The following ERLEC1 variants were observed in gnomAD, a reference collection of about 807,000 sequenced individuals.
The protein encoded by ERLEC1 is ER lectin.
ERLEC1 carries 47 observed loss-of-function variants against 68.0 expected under a neutral mutation model. The ratio of observed to expected loss-of-function variants is 0.69; its 90% CI spans 0.55 to 0.88. The LOEUF (loss-of-function observed/expected upper bound fraction) is 0.88. Among genes scored for constraint, ERLEC1 ranks in the 40% least tolerant of loss-of-function variants. The probability of loss-of-function intolerance (pLI) is 0.00; values close to 1 mark genes in which losing one functional copy is unlikely to be tolerated. For synonymous variants in ERLEC1, 225 were observed against 203.2 expected, an observed-to-expected ratio of 1.11 and a Z score of -0.91; for missense variants, 567 against 583.8, an observed-to-expected ratio of 0.97 and a Z score of 0.30.
At chr2:53,796,883 CTTTTTCTTTTT>C (rs1367352449) in intron 3 of ERLEC1, among the ~76,000 whole-genome samples, 11 of 134,570 alleles carry the variant, frequency 8.2e-5, no homozygotes, top group Non-Finnish European at 1.4e-4. Context: ...ATAAAGTTTT[CTTTTTCTTTTT>C]TTTTTTTTTT....
intron 11 of ERLEC1, among the ~76,000 whole-genome samples, chr2:53,813,580 C>G (rs906435261): frequency 4.6e-5 from 7 of 152,136 alleles, no homozygotes; most frequent in African/African-American, 1.7e-4. Context: ...TATACCTTGT[C>G]AAAACACCAG....
chr2:53,802,069 T>C (rs1676036480), intron 8 of ERLEC1, among the ~76,000 whole-genome samples: 1 of 152,216 alleles, frequency 6.6e-6, no homozygotes, highest in Non-Finnish European at 1.5e-5. Flanking sequence ...TATTTTAAAG[T>C]TTGACATCCT....
chr2:53,810,937 T>G (rs1009985323), intron 10 of ERLEC1, among the ~76,000 whole-genome samples: 1 of 152,188 alleles, frequency 6.6e-6, no homozygotes, highest in African/African-American at 2.4e-5. Context: ...TAAAGAAATG[T>G]ATGCCAGAAA....
intron 9 of ERLEC1, 97 bp from the exon 10 acceptor site, chr2:53,809,117 G>A (rs1289294095): frequency 1.1e-5 from 9 of 825,948 alleles, no homozygotes; most frequent in Non-Finnish European, 1.8e-5. Context: ...TGCTTTTACA[G>A]GTTTTAAAAA....
intron 11 of ERLEC1, among the ~76,000 whole-genome samples, chr2:53,813,972 T>C (rs1203441119): frequency 6.6e-6 from 1 of 152,200 alleles, no homozygotes; most frequent in South Asian, 2.1e-4. Flanking sequence ...ACTAAACAAA[T>C]TGATTTTTCT....
chr2:53,818,028 A>C lies in ERLEC1; in HGVS notation c.*59A>C. On this transcript the variant is annotated 3_prime_UTR_variant, in exon 14 of 14. Transcript: ENST00000185150. ...TGAAAGTCATGATAATTTCTGTCCCACTGTGTCTCATTATAGAGTTCTCAG... is the reference window on the plus strand; with the variant it reads ...TGAAAGTCATGATAATTTCTGTCCCCCTGTGTCTCATTATAGAGTTCTCAG... The C allele has an allele frequency of 9.1e-7, 1 of 1,096,674 alleles. No individual in the cohort carries two copies. Among genetic ancestry groups the C allele is most frequent in the Non-Finnish European group, 1.4e-6 (1 of 712,002 alleles). The allele number at this position is 1,096,674 out of a possible 1,614,324, so 67.9% of individuals were successfully genotyped here.
chr2:53,788,117 A>C (rs1675172531), intron 1 of ERLEC1, among the ~76,000 whole-genome samples: 1 of 152,194 alleles, frequency 6.6e-6, no homozygotes, highest in Non-Finnish European at 1.5e-5. Flanking sequence ...GCAGGCTAAT[A>C]AATATTGTAC....
Position 53,797,742 on chromosome 2 carries a change from T to C in ERLEC1, c.437T>C (p.Ile146Thr). The C allele has an allele frequency of 1.2e-6, 2 of 1,612,054 alleles. No homozygotes were observed. The highest frequency in any genetic ancestry group is 1.7e-6 in the Non-Finnish European group (2 of 1,178,838). The part of the protein sequence containing the change: ...EEKETGQKIN[I>T]HEYYLGNMLA... Reference sequence around the variant, plus strand: ...TACTTTTCAATGTAGAAAATAAATATTCACGAGTACTACCTTGGGAATATG... The same window carrying C: ...TACTTTTCAATGTAGAAAATAAATACTCACGAGTACTACCTTGGGAATATG... Residue 146 changes from isoleucine (I) to threonine (T), a missense_variant, in exon 5 of 14, where the codon ATT becomes ACT. Physicochemically the swap from Ile to Thr is moderately conservative, Grantham distance 89. Transcript: ENST00000185150.
chr2:53,801,685 G>A (rs775159236), intron 7 of ERLEC1, 28 bp from the exon 8 acceptor site: 1 of 1,613,648 alleles, frequency 6.2e-7, no homozygotes, highest in African/African-American at 1.3e-5. Context: ...TCTGTGCATA[G>A]CTTTAATGCT....
At chr2:53,795,173 C>T (rs1459286435) in intron 2 of ERLEC1, among the ~76,000 whole-genome samples, 1 of 152,176 alleles carries the variant, frequency 6.6e-6, no homozygotes, top group African/African-American at 2.4e-5. Flanking sequence ...CTTATCCATC[C>T]TTCAAGGCAA....
At chr2:53,791,777 T>C (rs74929341) in intron 1 of ERLEC1, among the ~76,000 whole-genome samples, 1,537 of 152,200 alleles carry the variant, frequency 0.01, 26 homozygotes, top group African/African-American at 0.035. Flanking sequence ...GAATTACAAA[T>C]GTTATGTCTC....
intron 8 of ERLEC1, among the ~76,000 whole-genome samples, chr2:53,802,801 G>A (rs997777283): frequency 7.2e-5 from 11 of 152,026 alleles, no homozygotes; most frequent in South Asian, 6.2e-4. Flanking sequence ...GCATGATCTC[G>A]GCTTACTGCA....
Position 53,818,005 on chromosome 2 carries a change from A to T in ERLEC1, c.*36A>T. The T allele has an allele frequency of 3.2e-6, 4 of 1,268,792 alleles. No individual in the cohort carries two copies. Among genetic ancestry groups the T allele is most frequent in the Non-Finnish European group, 4.6e-6 (4 of 865,988 alleles). 78.6% of individuals were successfully genotyped at this position (1,268,792 alleles called of 1,614,324 possible). The stretch of plus-strand genomic sequence containing the variant: ...AGTTAGGGGAAAGAAAAGATCATTG[A>T]AAGTCATGATAATTTCTGTCCCACT... On this transcript the variant is annotated 3_prime_UTR_variant, in exon 14 of 14. Transcript: ENST00000185150.
At chr2:53,812,913 A>G (rs371472899) in intron 10 of ERLEC1, 36 bp from the exon 11 acceptor site, 19 of 1,598,818 alleles carry the variant, frequency 1.2e-5, no homozygotes, top group Admixed American at 7.4e-5. Context: ...TGATGATATC[A>G]AGCACGCATT....
intron 1 of ERLEC1, 113 bp downstream of exon 1, chr2:53,787,485 C>G: frequency 7.7e-7 from 1 of 1,301,040 alleles, no homozygotes; most frequent in South Asian, 1.5e-5. Context: ...CAGACTCTTA[C>G]CTTCCCCAAG....
chr2:53,798,741 C>G (rs1483806472), intron 5 of ERLEC1, among the ~76,000 whole-genome samples: 1 of 151,366 alleles, frequency 6.6e-6, no homozygotes, highest in Non-Finnish European at 1.5e-5. Flanking sequence ...TATGTTTATT[C>G]TATATTCAGA....
At chr2:53,813,163 G>A in intron 11 of ERLEC1, 90 bp downstream of exon 11, 1 of 1,464,258 alleles carries the variant, frequency 6.8e-7, no homozygotes, top group Non-Finnish European at 9.3e-7. Flanking sequence ...AAACATTTAA[G>A]TAAAATCCCT....
chr2:53,809,608 G>C (rs750892426), intron 10 of ERLEC1, among the ~76,000 whole-genome samples: 31 of 152,102 alleles, frequency 2.0e-4, no homozygotes, highest in Non-Finnish European at 2.8e-4. Context: ...GAATTAGCCG[G>C]GAGTGGTGCC....
chr2:53,813,629 C>T (rs1422244389), intron 11 of ERLEC1, among the ~76,000 whole-genome samples: 1 of 152,186 alleles, frequency 6.6e-6, no homozygotes, highest in Non-Finnish European at 1.5e-5. Context: ...TACGCATTAG[C>T]TTTTCTTGCA....
Sources: gnomAD v4.1 joint callset for allele counts (sites outside exome capture counted in the v4.1 genomes callset) on GRCh38, gnomAD v4.1.1 for gene constraint, MANE v1.5 for transcripts, NCBI Gene and HGNC (gene_info 2026-07-23, HGNC 2026-07-21) for gene names.